Variants in THAP4 observed in about 807,000 individuals in gnomAD.
THAP4 encodes the protein THAP domain containing 4, also known as peroxynitrite isomerase THAP4.
In THAP4, 18 loss-of-function variants were observed where a neutral mutation model predicts 48.1. The observed-to-expected ratio is 0.37, with a 90% CI of 0.26 to 0.56. The LOEUF is 0.56. THAP4 is among the 20% of genes least tolerant of loss of function. THAP4 has a pLI of 0.78. For missense variants in THAP4, 656 were observed against 774.9 expected, an observed-to-expected ratio of 0.85 and a Z score of 1.82; for synonymous variants, 345 against 324.9, an observed-to-expected ratio of 1.06 and a Z score of -0.66.
At chr2:241,602,355 C>T (rs889417707) in intron 4 of THAP4, among the ~76,000 whole-genome samples, 19 of 151,120 alleles carry the variant, frequency 1.3e-4, no homozygotes, top group South Asian at 8.3e-4. Context: ...GTCACGCAGG[C>T]TGGTTTTTTT....
At chr2:241,598,156 CTT>C (rs1249841827) in intron 5 of THAP4, among the ~76,000 whole-genome samples, 2 of 152,182 alleles carry the variant, frequency 1.3e-5, no homozygotes, top group African/African-American at 4.8e-5. Context: ...GAAACGGACA[CTT>C]TTGCAGGAGA....
chr2:241,610,585 C>T lies in THAP4; in HGVS notation c.1241-4112G>A, dbSNP rs2067257600. Among the ~76,000 whole-genome samples, 1 of 152,132 alleles carries T rather than the reference C, an allele frequency of 6.6e-6. No homozygotes were observed. The highest frequency in any genetic ancestry group is 2.4e-5 in the African/African-American group (1 of 41,448). On this transcript the variant is annotated intron_variant, in intron 2 of 5. Coordinates refer to ENST00000407315, the MANE Select transcript of THAP4 (RefSeq NM_015963.6). This position sits in a 1 kb window ranked among gnomAD's most constrained non-coding sequence, Gnocchi z 4.2. ...CCCCTCGGCCCGGAGGCCCCGCCCT[C>T]CCCACTCCTGCTTCCCCAGCCACGG... is the stretch of plus-strand genomic sequence containing the variant.
At position 241,603,086 on chromosome 2, in the gene THAP4, G is replaced by A. The variant is rs371189046; in HGVS notation, c.1401-7C>T. 3.0e-5 allele frequency: 49 copies of A among 1,611,582 alleles called. No individual in the cohort carries two copies. In the African/African-American group the frequency reaches 4.4e-4, roughly 14 times the overall value. ...CGGGTGGAAGGAGTTGAACCTGGAC[G>A]GGAAGTTGGAGTTGAGAAGCCCAGG... On this transcript the variant is annotated splice_region_variant and splice_polypyrimidine_tract_variant and intron_variant, in intron 3 of 5. Transcript: ENST00000407315.
At position 241,637,042 on chromosome 2, in the gene THAP4, G is replaced by T; in HGVS notation, c.-25C>A. On this transcript the variant is annotated 5_prime_UTR_variant, in exon 1 of 6. It adds an upstream start codon to the 5' untranslated region. Coordinates refer to ENST00000407315, the MANE Select transcript of THAP4 (RefSeq NM_015963.6). The stretch of plus-strand genomic sequence containing the variant: ...TCGCGGGCCTTGGCCCAGCCGCGCA[G>T]CCAGGCCCCGGCCCTAGCCGCCCGC... 6.5e-6 allele frequency: 8 copies of T among 1,228,558 alleles called. No homozygotes were observed. Among genetic ancestry groups the T allele is most frequent in the Non-Finnish European group, 8.3e-6 (8 of 961,282 alleles). 76.1% of individuals were successfully genotyped at this position (1,228,558 alleles called of 1,614,324 possible).
intron 2 of THAP4, among the ~76,000 whole-genome samples, chr2:241,627,067 G>A (rs1388776507): frequency 6.6e-6 from 1 of 152,128 alleles, no homozygotes; most frequent in African/African-American, 2.4e-5. Flanking sequence ...GAAAAATCCA[G>A]CAGGTAGTAC....
chr2:241,634,150 G>T, intron 1 of THAP4, 71 bp from the exon 2 acceptor site: 2 of 1,261,926 alleles, frequency 1.6e-6, no homozygotes, highest in Non-Finnish European at 1.1e-6. Context: ...AACTGTAAAA[G>T]CAAAACAAGT....
chr2:241,594,889 G>C (rs2067029317), intron 5 of THAP4, among the ~76,000 whole-genome samples: 1 of 152,214 alleles, frequency 6.6e-6, no homozygotes, highest in South Asian at 2.1e-4. Context: ...GCTGCAGTGA[G>C]TTATGATTGT....
rs980736413 is a variant in THAP4 at position 241,635,503 on chromosome 2, C to T, written c.78-1424G>A. ...GGCGGGGTGGCTTATGCCTGTAATC[C>T]CAGCACTTTGGGAGGCCGAGGCGGG... On this transcript the variant is annotated intron_variant, in intron 1 of 5. Coordinates refer to ENST00000407315, the MANE Select transcript of THAP4 (RefSeq NM_015963.6). Among the ~76,000 whole-genome samples the T allele has an allele frequency of 2.6e-5, 4 of 152,270 alleles. No individual in the cohort carries two copies. In the East Asian group the frequency reaches 7.7e-4, roughly 29 times the overall value.
intron 2 of THAP4, among the ~76,000 whole-genome samples, chr2:241,611,128 T>G (rs915990327): frequency 1.4e-4 from 22 of 152,076 alleles, no homozygotes; most frequent in Non-Finnish European, 8.8e-5. Flanking sequence ...GGTGGGTCAG[T>G]GCCTCGCTGG....
intron 2 of THAP4, among the ~76,000 whole-genome samples, chr2:241,613,801 A>G (rs1204476609): frequency 6.6e-6 from 1 of 152,132 alleles, no homozygotes; most frequent in Non-Finnish European, 1.5e-5. Flanking sequence ...CACAACAAGC[A>G]TAATATAAAA....
At chr2:241,607,082 G>A (rs2067193547) in intron 2 of THAP4, among the ~76,000 whole-genome samples, 1 of 152,156 alleles carries the variant, frequency 6.6e-6, no homozygotes, top group Non-Finnish European at 1.5e-5. Flanking sequence ...GCTTCCCTGA[G>A]GAGGGGCTGG....
intron 2 of THAP4, among the ~76,000 whole-genome samples, chr2:241,626,525 G>GA (rs975854548): frequency 2.0e-5 from 3 of 148,538 alleles, no homozygotes; most frequent in South Asian, 2.1e-4. Context: ...TCATAAGGAG[G>GA]AAAAAAAACA....
In THAP4 at chr2:241,637,037, G is replaced by A. The variant is rs2067679565; in HGVS notation, c.-20C>T. 1.6e-6 allele frequency: 2 copies of A among 1,238,202 alleles called. No individual in the cohort carries two copies. The highest frequency in any genetic ancestry group is 2.1e-6 in the Non-Finnish European group (2 of 966,362). The allele number at this position is 1,238,202 out of a possible 1,614,324, so 76.7% of individuals were successfully genotyped here. On this transcript the variant is annotated 5_prime_UTR_variant, in exon 1 of 6. Coordinates refer to ENST00000407315, the MANE Select transcript of THAP4 (RefSeq NM_015963.6). ...CACCATCGCGGGCCTTGGCCCAGCC[G>A]CGCAGCCAGGCCCCGGCCCTAGCCG...
intron 2 of THAP4, among the ~76,000 whole-genome samples, chr2:241,632,146 G>C (rs558847604): frequency 6.6e-6 from 1 of 151,936 alleles, no homozygotes; most frequent in South Asian, 2.1e-4. Context: ...AGGCCAGAGT[G>C]AAGTGGTGCA....
chr2:241,610,862 AC>A lies in THAP4; in HGVS notation c.1241-4390del, dbSNP rs2067263806. ...GACAGAGAGACAGGGCCAGAGAGAC[AC>A]GGGGATGGGGCCAGAGACGGGGCCA... On this transcript the variant is annotated intron_variant, in intron 2 of 5. Coordinates refer to ENST00000407315, the MANE Select transcript of THAP4 (RefSeq NM_015963.6). The surrounding 1 kb of genome is among the most constrained non-coding windows in gnomAD (Gnocchi z 4.2). Among the ~76,000 whole-genome samples, 1 of 151,976 alleles carries A rather than the reference AC, an allele frequency of 6.6e-6. No individual in the cohort carries two copies. The highest frequency in any genetic ancestry group is 2.1e-4 in the South Asian group (1 of 4,794).
chr2:241,602,152 T>A lies in THAP4; in HGVS notation c.1511-153A>T, dbSNP rs2067122700. The A allele has an allele frequency of 8.5e-6, 6 of 704,062 alleles. No individual in the cohort carries two copies. The South Asian group carries it at 1.1e-4, about 13-fold the overall frequency. The allele number at this position is 704,062 out of a possible 1,614,324, so 43.6% of individuals were successfully genotyped here. ...ATTTCTCCTCCTCCCCACTTCACCC[T>A]GTGGATACGGAGGGAAAGCCACAAC... On this transcript the variant is annotated intron_variant, in intron 4 of 5. Transcript: ENST00000407315.
At chr2:241,586,718 C>A (rs1305385232) in intron 5 of THAP4, among the ~76,000 whole-genome samples, 2 of 151,972 alleles carry the variant, frequency 1.3e-5, no homozygotes, top group Non-Finnish European at 2.9e-5. Context: ...CAAATTAAGG[C>A]CCCAATAATG....
chr2:241,595,254 A>G (rs144065933), intron 5 of THAP4, among the ~76,000 whole-genome samples: 48 of 152,210 alleles, frequency 3.2e-4, no homozygotes, highest in Non-Finnish European at 6.0e-4. Context: ...ACCTCAGGCG[A>G]TATGCCCACC....
intron 2 of THAP4, 46 bp downstream of exon 2, chr2:241,632,871 C>G (rs2067583070): frequency 6.9e-7 from 1 of 1,459,622 alleles, no homozygotes; most frequent in South Asian, 1.4e-5. Flanking sequence ...AGAGAAACCC[C>G]TCCTAACGGG....
Sources: gnomAD v4.1 joint callset for allele counts (sites outside exome capture counted in the v4.1 genomes callset) on GRCh38, gnomAD v4.1.1 for gene constraint, Gnocchi (gnomAD v3.1) non-coding constraint, MANE v1.5 for transcripts, NCBI Gene and HGNC (gene_info 2026-07-23, HGNC 2026-07-21) for gene names.